The following LUZP2 variants were observed in gnomAD, a reference collection of about 807,000 sequenced individuals.
LUZP2 encodes leucine zipper protein 2.
A neutral mutation model predicts 51.6 loss-of-function variants in LUZP2; 52 were observed. The observed-to-expected ratio is 1.01, with a 90% CI of 0.81 to 1.27. The LOEUF is 1.27. Among genes scored for constraint, LUZP2 ranks in the 50% most tolerant of loss-of-function variants. The pLI, the probability that LUZP2 is intolerant of heterozygous loss-of-function variation, is 0.00. For missense variants in LUZP2, 436 were observed against 395.4 expected (o/e 1.10, Z -0.87); for synonymous variants, 154 against 137.3 (o/e 1.12, Z -0.85).
chr11:24,973,380 T>TTTC (rs57321639), intron 7 of LUZP2, among the ~76,000 whole-genome samples: 6 of 145,550 alleles, frequency 4.1e-5, no homozygotes, highest in Admixed American at 6.8e-5. Flanking sequence ...TTTTTTTTTT[T>TTTC]CAAAAAAACA....
At chr11:24,526,837 ACT>A (rs1466692024) in intron 1 of LUZP2, among the ~76,000 whole-genome samples, 5 of 151,118 alleles carry the variant, frequency 3.3e-5, no homozygotes, top group African/African-American at 9.7e-5. Flanking sequence ...TCTAGAGTTT[ACT>A]CTGTCCCATT....
intron 5 of LUZP2, among the ~76,000 whole-genome samples, chr11:24,855,511 G>A (rs73440167): frequency 0.064 from 9,701 of 152,160 alleles, 445 homozygotes; most frequent in African/African-American, 0.13. Context: ...TGGACAGGAA[G>A]AATCAAATTG....
At chr11:25,009,277 A>T (rs1465236276) in intron 9 of LUZP2, among the ~76,000 whole-genome samples, 1 of 152,194 alleles carries the variant, frequency 6.6e-6, no homozygotes, top group African/African-American at 2.4e-5. Flanking sequence ...ACTTTAAATG[A>T]TCTTTTACTT....
chr11:25,033,844 G>T (rs1857773288), intron 9 of LUZP2, among the ~76,000 whole-genome samples: 3 of 152,028 alleles, frequency 2.0e-5, no homozygotes, highest in African/African-American at 7.2e-5. Flanking sequence ...AGGCACCTGG[G>T]TCGATTCCAA....
At chr11:24,717,637 G>A (rs61875727) in intron 1 of LUZP2, among the ~76,000 whole-genome samples, 34,019 of 150,732 alleles carry the variant, frequency 0.23, 4,143 homozygotes, top group Non-Finnish European at 0.28. Flanking sequence ...GGATGGTCTC[G>A]ATCTCCTGAC....
chr11:24,857,552 C>T (rs1315317672), intron 5 of LUZP2, among the ~76,000 whole-genome samples: 6 of 115,804 alleles, frequency 5.2e-5, no homozygotes, highest in Non-Finnish European at 1.1e-4. Flanking sequence ...AGGTGCATAT[C>T]CAAAATAGGT....
rs943194935 is a variant in LUZP2 at position 25,080,585 on chromosome 11, A to T, written c.*1927A>T. 4 of 152,174 alleles carry T rather than the reference A, an allele frequency of 2.6e-5. No homozygotes were observed. The highest frequency in any genetic ancestry group is 5.9e-5 in the Non-Finnish European group (4 of 68,034). 9.4% of individuals were successfully genotyped at this position (152,174 alleles called of 1,614,324 possible). On this transcript the variant is annotated 3_prime_UTR_variant, in exon 12 of 12. Coordinates refer to ENST00000336930, the MANE Select transcript of LUZP2 (RefSeq NM_001009909.4). ...CTGAGGTTTCTTCTGACTCCTTCAT[A>T]TTTCTAAAAATAATCATACAAACTA... is the stretch of plus-strand genomic sequence containing the variant.
At chr11:24,750,003 G>T (rs771626732) in intron 4 of LUZP2, among the ~76,000 whole-genome samples, 11 of 152,142 alleles carry the variant, frequency 7.2e-5, no homozygotes, top group South Asian at 2.1e-4. Flanking sequence ...CATGTATCCT[G>T]TTAGTTCTGT....
chr11:24,978,294 T>C (rs1237957815), intron 8 of LUZP2, among the ~76,000 whole-genome samples: 1 of 149,650 alleles, frequency 6.7e-6, no homozygotes, highest in Non-Finnish European at 1.5e-5. Context: ...TTAAAAAATG[T>C]ATATAACTCA....
chr11:24,742,274 C>T (rs1302627640), intron 4 of LUZP2, among the ~76,000 whole-genome samples: 2 of 151,452 alleles, frequency 1.3e-5, no homozygotes, highest in African/African-American at 4.9e-5. Context: ...AAGGAATCAC[C>T]ACACTGTTTT....
In LUZP2 at chr11:24,755,314, C is replaced by A. The variant is rs561376203; in HGVS notation, c.334-7932C>A. 7.6e-4 allele frequency among the ~76,000 whole-genome samples: 115 copies of A among 152,232 alleles called. 2 individuals are homozygous for A. In the South Asian group the frequency reaches 0.023, roughly 31 times the overall value. On this transcript the variant is annotated intron_variant, in intron 4 of 11. Transcript: ENST00000336930. ...TTAGTAGTTACTTGTTTTTGCCCTT[C>A]TCCCACATTGACCACCTTTTTGGTG...
At chr11:24,673,209 G>T (rs1856452946) in intron 1 of LUZP2, among the ~76,000 whole-genome samples, 1 of 152,090 alleles carries the variant, frequency 6.6e-6, no homozygotes, top group Non-Finnish European at 1.5e-5. Flanking sequence ...AAGTATTTGT[G>T]AATATAAGCA....
At chr11:24,715,815 AT>A (rs1480649737) in intron 1 of LUZP2, among the ~76,000 whole-genome samples, 1 of 152,084 alleles carries the variant, frequency 6.6e-6, no homozygotes, top group African/African-American at 2.4e-5. Flanking sequence ...GTTTGCATAT[AT>A]TTTTTCAAAG....
chr11:24,726,157 G>T (rs561223972), intron 1 of LUZP2, among the ~76,000 whole-genome samples: 6 of 152,166 alleles, frequency 3.9e-5, no homozygotes, highest in Admixed American at 6.5e-5. Flanking sequence ...CATATAAACA[G>T]ATAATTCACA....
chr11:24,723,764 G>A (rs1206820656), intron 1 of LUZP2, among the ~76,000 whole-genome samples: 1 of 152,096 alleles, frequency 6.6e-6, no homozygotes, highest in Non-Finnish European at 1.5e-5. Flanking sequence ...TCAGGAGTTC[G>A]AGGCTGCAGT....
intron 1 of LUZP2, among the ~76,000 whole-genome samples, chr11:24,670,793 G>GT (rs2134001109): frequency 6.6e-6 from 1 of 151,786 alleles, no homozygotes; most frequent in Non-Finnish European, 1.5e-5. Context: ...TGTAAAGTTG[G>GT]TATTTAGATT....
intron 7 of LUZP2, among the ~76,000 whole-genome samples, chr11:24,940,571 A>G (rs886894715): frequency 6.6e-6 from 1 of 152,192 alleles, no homozygotes; most frequent in African/African-American, 2.4e-5. Context: ...AATTAATGAT[A>G]GCTTCTATGT....
intron 5 of LUZP2, among the ~76,000 whole-genome samples, chr11:24,816,008 A>C (rs200013809): frequency 0.013 from 9 of 696 alleles, no homozygotes; most frequent in Non-Finnish European, 0.045. Flanking sequence ...TTTTTTTTTA[A>C]AAAAAAAAAA....
At chr11:24,766,468 G>A (rs906631608) in intron 5 of LUZP2, among the ~76,000 whole-genome samples, 2 of 152,084 alleles carry the variant, frequency 1.3e-5, no homozygotes, top group African/African-American at 4.8e-5. Flanking sequence ...ATGTATGAAA[G>A]GGCTTCCTTT....
Sources: gnomAD v4.1 joint callset for allele counts (sites outside exome capture counted in the v4.1 genomes callset) on GRCh38, gnomAD v4.1.1 for gene constraint, MANE v1.5 for transcripts, NCBI Gene and HGNC (gene_info 2026-07-23, HGNC 2026-07-21) for gene names.